The following MSH3 variants were observed in gnomAD, a reference collection of about 807,000 sequenced individuals.
MSH3 encodes the protein mutS homolog 3.
A neutral mutation model predicts 123.3 loss-of-function variants in MSH3; 106 were observed. That is an observed-to-expected ratio of 0.86 (90% CI 0.73 to 1.01). MSH3 has a LOEUF of 1.01. MSH3 is among the 50% of genes least tolerant of loss of function. The pLI, the probability that MSH3 is intolerant of heterozygous loss-of-function variation, is 0.00. For synonymous variants in MSH3, 515 were observed against 481.4 expected, an observed-to-expected ratio of 1.07 and a Z score of -0.91; for missense variants, 1,459 against 1,347.6, an observed-to-expected ratio of 1.08 and a Z score of -1.29.
chr5:80,705,824 G>C (rs1420280498), intron 8 of MSH3, among the ~76,000 whole-genome samples: 1 of 151,936 alleles, frequency 6.6e-6, no homozygotes, highest in Admixed American at 6.6e-5. Context: ...TTTTTACGTG[G>C]ACACCGGTCA....
chr5:80,857,729 G>A (rs6863363), intron 21 of MSH3, among the ~76,000 whole-genome samples: 21,381 of 152,070 alleles, frequency 0.14, 1,532 homozygotes, highest in East Asian at 0.24. Flanking sequence ...CACGGCATCC[G>A]TAGTGTTGTC....
chr5:80,798,020 G>C lies in MSH3; in HGVS notation c.2655+5176G>C, dbSNP rs34270985. 3.1e-3 allele frequency among the ~76,000 whole-genome samples: 478 copies of C among 152,184 alleles called. 2 individuals are homozygous for C. Among genetic ancestry groups the C allele is most frequent in the African/African-American group, 9.9e-3 (410 of 41,520 alleles). On this transcript the variant is annotated intron_variant, in intron 19 of 23. Coordinates refer to ENST00000265081, the MANE Select transcript of MSH3 (RefSeq NM_002439.5). ...GTCGGGGTTTTCAGTTCATTTGTAG[G>C]GTTTTTGTTTTTAGTATAAAAAATA...
rs192413952 is a variant in MSH3, at chr5:80,779,883, T to C, written c.2435+1047T>C. ...CGGCCAAAAAATTAACATTAATTTA[T>C]GAATATATTTGAATTTCTTGAATTT... On this transcript the variant is annotated intron_variant, in intron 17 of 23. Coordinates refer to ENST00000265081, the MANE Select transcript of MSH3 (RefSeq NM_002439.5). 1.2e-3 allele frequency among the ~76,000 whole-genome samples: 177 copies of C among 152,250 alleles called. 1 individual carries two copies. Among genetic ancestry groups the C allele is most frequent in the African/African-American group, 4.0e-3 (168 of 41,568 alleles).
chr5:80,764,677 C>T (rs1337710957), intron 13 of MSH3, among the ~76,000 whole-genome samples: 1 of 152,062 alleles, frequency 6.6e-6, no homozygotes, highest in Non-Finnish European at 1.5e-5. Context: ...ATAAACATTT[C>T]TTTTGATGGC....
At chr5:80,664,915 C>T (rs1749531463) in intron 2 of MSH3, among the ~76,000 whole-genome samples, 1 of 152,016 alleles carries the variant, frequency 6.6e-6, no homozygotes. Flanking sequence ...AAAAAAACCT[C>T]TACTATAGTA....
In MSH3 at chr5:80,875,942, T is replaced by C. The variant is rs1047247009; in HGVS notation, c.*80T>C. On this transcript the variant is annotated 3_prime_UTR_variant, in exon 24 of 24. Coordinates refer to ENST00000265081, the MANE Select transcript of MSH3 (RefSeq NM_002439.5). ...AAAATAACTCTCCAGTAACAGCCTA[T>C]CTTTGTGTGACATGTGAGCATAAAA... 1.2e-6 allele frequency: 1 copy of C among 849,356 alleles called. No homozygotes were observed. Among genetic ancestry groups the C allele is most frequent in the Non-Finnish European group, 2.0e-6 (1 of 504,566 alleles). The allele number at this position is 849,356 out of a possible 1,614,324, so 52.6% of individuals were successfully genotyped here.
chr5:80,836,460 G>T (rs928565403), intron 20 of MSH3, among the ~76,000 whole-genome samples: 2 of 148,892 alleles, frequency 1.3e-5, no homozygotes, highest in Non-Finnish European at 3.0e-5. Context: ...GAAAGAGAGG[G>T]GTGAAGATGA....
chr5:80,669,255 G>T (rs1011830543), intron 3 of MSH3, among the ~76,000 whole-genome samples: 1 of 151,994 alleles, frequency 6.6e-6, no homozygotes, highest in Admixed American at 6.6e-5. Flanking sequence ...GGGCCATTTT[G>T]CTTCTCTCTC....
At position 80,656,405 on chromosome 5, in the gene MSH3, A is replaced by G. The variant is rs1749285585; in HGVS notation, c.238-6A>G. The G allele has an allele frequency of 6.2e-7, 1 of 1,613,970 alleles. No individual in the cohort carries two copies. The highest frequency in any genetic ancestry group is 1.3e-5 in the African/African-American group (1 of 74,920). On this transcript the variant is annotated splice_polypyrimidine_tract_variant and splice_region_variant and intron_variant, in intron 1 of 23. Transcript: ENST00000265081. ...AACACATCATTTTCTAACCTTCCCG[A>G]TATAGGCTACAGAAATTGACAGAAG...
chr5:80,794,557 G>T (rs530485266), intron 19 of MSH3, among the ~76,000 whole-genome samples: 142 of 152,230 alleles, frequency 9.3e-4, no homozygotes, highest in Non-Finnish European at 2.0e-3. Flanking sequence ...GAGAGAGAAG[G>T]TATCAGAGAA....
At chr5:80,706,637 C>T (rs775162835) in intron 8 of MSH3, among the ~76,000 whole-genome samples, 11 of 152,034 alleles carry the variant, frequency 7.2e-5, no homozygotes, top group East Asian at 1.9e-4. Context: ...ATTATCATCT[C>T]GAAGCATGTA....
intron 20 of MSH3, among the ~76,000 whole-genome samples, chr5:80,846,081 G>A (rs374614533): frequency 4.5e-4 from 69 of 152,244 alleles, no homozygotes; most frequent in African/African-American, 1.6e-3. Context: ...CCTACAGGTG[G>A]CATTTTGGTG....
intron 19 of MSH3, among the ~76,000 whole-genome samples, chr5:80,810,168 C>CATATATATATATATATAT (rs1461060092): frequency 6.2e-5 from 2 of 32,038 alleles, no homozygotes; most frequent in African/African-American, 1.1e-4. Flanking sequence ...TTTTGTTTGA[C>CATATATATATATATATAT]ATACATATAT....
rs1273708265 is a variant in MSH3 at position 80,679,027 on chromosome 5, A to G, written c.1274A>G (p.Glu425Gly). Reference sequence around the variant, plus strand: ...CGGATGTCAAGCCTGCAGCCAGTAGAGCTGCTGCTTCCTTCGGCCTTGTCC... The same window carrying G: ...CGGATGTCAAGCCTGCAGCCAGTAGGGCTGCTGCTTCCTTCGGCCTTGTCC... ...ETRMSSLQPV[E>G]LLLPSALSEQ... Residue 425 changes from glutamate (E) to glycine (G), a missense_variant, in exon 8 of 24, where the codon GAG (glutamate) becomes GGG (glycine). By Grantham distance (98) the Glu-to-Gly change is moderately conservative. Transcript: ENST00000265081. The G allele has an allele frequency of 2.5e-6, 4 of 1,613,990 alleles. No homozygotes were observed. The highest frequency in any genetic ancestry group is 3.4e-6 in the Non-Finnish European group (4 of 1,179,996).
At chr5:80,826,737 C>T (rs1291964309) in intron 20 of MSH3, among the ~76,000 whole-genome samples, 4 of 151,906 alleles carry the variant, frequency 2.6e-5, no homozygotes, top group Admixed American at 2.0e-4. Context: ...TTAGTAGAGA[C>T]GGAGTTTCAC....
intron 10 of MSH3, among the ~76,000 whole-genome samples, chr5:80,734,821 T>G (rs564415125): frequency 1.5e-4 from 23 of 152,260 alleles, no homozygotes; most frequent in African/African-American, 4.1e-4. Context: ...AATTCTAGTT[T>G]CCCTGCGCCC....
chr5:80,820,453 G>A (rs1217860280), intron 20 of MSH3, among the ~76,000 whole-genome samples: 1 of 152,032 alleles, frequency 6.6e-6, no homozygotes, highest in East Asian at 1.9e-4. Flanking sequence ...TATTATTCTT[G>A]GATCACAGGC....
At chr5:80,697,935 G>C (rs1470611520) in intron 8 of MSH3, among the ~76,000 whole-genome samples, 2 of 151,742 alleles carry the variant, frequency 1.3e-5, no homozygotes, top group Non-Finnish European at 2.9e-5. Flanking sequence ...TTTGAGACGG[G>C]GTCTCACTCT....
intron 4 of MSH3, 134 bp downstream of exon 4, chr5:80,670,443 T>A: frequency 1.0e-6 from 1 of 976,594 alleles, no homozygotes; most frequent in Non-Finnish European, 1.5e-6. Flanking sequence ...TACTGTTATG[T>A]AAAGTAAAAA....
Sources: gnomAD v4.1 joint callset for allele counts (sites outside exome capture counted in the v4.1 genomes callset) on GRCh38, gnomAD v4.1.1 for gene constraint, MANE v1.5 for transcripts, NCBI Gene and HGNC (gene_info 2026-07-23, HGNC 2026-07-21) for gene names.